ATXN1: variants seen among roughly 807,000 people sequenced by gnomAD.
ATXN1 encodes ataxin 1.
ATXN1 carries 8 observed loss-of-function variants against 56.4 expected under a neutral mutation model. The ratio of observed to expected loss-of-function variants is 0.14; its 90% CI spans 0.08 to 0.26. ATXN1 has a LOEUF of 0.26. Among genes scored for constraint, ATXN1 ranks in the 10% least tolerant of loss-of-function variants. The pLI is 1.00. For missense variants in ATXN1, 987 were observed against 1,106.5 expected (o/e 0.89, Z 1.53); for synonymous variants, 514 against 494.6 (o/e 1.04, Z -0.52).
chr6:16,667,637 A>AT (rs1758454348), intron 2 of ATXN1: 1 of 152,270 alleles, frequency 6.6e-6, no homozygotes, highest in South Asian at 2.1e-4. Flanking sequence ...CTGAAAGCAC[A>AT]TTTATGAAAC....
intron 2 of ATXN1, among the ~76,000 whole-genome samples, chr6:16,733,965 T>G (rs1412508049): frequency 6.6e-6 from 1 of 151,422 alleles, no homozygotes; most frequent in African/African-American, 2.4e-5. Flanking sequence ...CTGGCCAACA[T>G]GGTGAAACCC....
chr6:16,442,374 A>C (rs1269240876), intron 6 of ATXN1, among the ~76,000 whole-genome samples: 1 of 152,208 alleles, frequency 6.6e-6, no homozygotes, highest in Non-Finnish European at 1.5e-5. Context: ...AGCATTTAAC[A>C]CATAATCAGC....
chr6:16,745,450 C>A (rs979551631), intron 2 of ATXN1, among the ~76,000 whole-genome samples: 1 of 151,988 alleles, frequency 6.6e-6, no homozygotes, highest in African/African-American at 2.4e-5. Context: ...AATGTTTATG[C>A]TAAATGGGAA....
rs1363586518 is a variant in ATXN1 at position 16,308,241 on chromosome 6, G to A, written c.1918-1382C>T. On this transcript the variant is annotated intron_variant, in intron 7 of 7. Transcript: ENST00000436367. ...CTCAGGAGGCTGAGGCAAGAGAATC[G>A]CTTGAACCCGGGAGGCGGAGGCTGC... Among the ~76,000 whole-genome samples, 6 of 151,804 alleles carry A rather than the reference G, an allele frequency of 4.0e-5. No homozygotes were observed. In the South Asian group the frequency reaches 1.2e-3, roughly 32 times the overall value.
At chr6:16,348,466 G>A (rs980780342) in intron 6 of ATXN1, among the ~76,000 whole-genome samples, 4 of 151,936 alleles carry the variant, frequency 2.6e-5, no homozygotes, top group East Asian at 1.9e-4. Flanking sequence ...CAGAGGCCGA[G>A]GGGGGGCAGA....
At chr6:16,751,417 T>C (rs1760714595) in intron 2 of ATXN1, among the ~76,000 whole-genome samples, 1 of 152,056 alleles carries the variant, frequency 6.6e-6, no homozygotes, top group Admixed American at 6.5e-5. Flanking sequence ...TTTACAAGAG[T>C]ATCGTGTCTG....
chr6:16,457,028 C>A (rs1386033624), intron 6 of ATXN1, among the ~76,000 whole-genome samples: 5 of 152,142 alleles, frequency 3.3e-5, no homozygotes, highest in African/African-American at 1.2e-4. Flanking sequence ...CCTGGAGATC[C>A]CTTCCTTCCC....
At chr6:16,609,589 G>A (rs1328296575) in intron 3 of ATXN1, among the ~76,000 whole-genome samples, 1 of 152,176 alleles carries the variant, frequency 6.6e-6, no homozygotes, top group African/African-American at 2.4e-5. Flanking sequence ...TAAGAACAAA[G>A]CCTTCAGCTT....
intron 3 of ATXN1, among the ~76,000 whole-genome samples, chr6:16,620,926 A>G (rs1302350619): frequency 6.6e-6 from 1 of 151,850 alleles, no homozygotes; most frequent in African/African-American, 2.4e-5. Flanking sequence ...GGTCCTACTA[A>G]AAAGGGTGAC....
chr6:16,511,505 T>TGACA (rs1761081214), intron 5 of ATXN1, among the ~76,000 whole-genome samples: 1 of 152,234 alleles, frequency 6.6e-6, no homozygotes, highest in African/African-American at 2.4e-5. Flanking sequence ...GACATATGTT[T>TGACA]CCTTCAGGGT....
At chr6:16,551,785 G>T (rs1761924697) in intron 4 of ATXN1, among the ~76,000 whole-genome samples, 1 of 152,130 alleles carries the variant, frequency 6.6e-6, no homozygotes, top group Non-Finnish European at 1.5e-5. Flanking sequence ...GGCGCTTCCA[G>T]CTGGGCATGT....
intron 6 of ATXN1, among the ~76,000 whole-genome samples, chr6:16,392,833 T>C (rs1758382542): frequency 6.6e-6 from 1 of 152,192 alleles, no homozygotes; most frequent in Non-Finnish European, 1.5e-5. Context: ...AAGACAGTGG[T>C]TCTCAAAGTG....
intron 6 of ATXN1, among the ~76,000 whole-genome samples, chr6:16,387,140 G>A (rs1481750904): frequency 6.6e-6 from 1 of 152,204 alleles, no homozygotes; most frequent in Non-Finnish European, 1.5e-5. Context: ...GCAAATCTCT[G>A]AATGACAGAT....
chr6:16,638,392 G>C (rs890254244), intron 3 of ATXN1, among the ~76,000 whole-genome samples: 4 of 147,926 alleles, frequency 2.7e-5, no homozygotes, highest in Non-Finnish European at 5.9e-5. Flanking sequence ...GCTGCAGTGA[G>C]CCAAGATCAC....
intron 6 of ATXN1, among the ~76,000 whole-genome samples, chr6:16,398,769 G>C (rs560643364): frequency 6.6e-6 from 1 of 152,318 alleles, no homozygotes; most frequent in East Asian, 1.9e-4. Flanking sequence ...TGTGAAGAAT[G>C]CTTGGCTAGA....
In ATXN1 at chr6:16,504,961, C is replaced by G. The variant is rs575938092; in HGVS notation, c.-299+17666G>C. Among the ~76,000 whole-genome samples, 3 of 151,420 alleles carry G rather than the reference C, an allele frequency of 2.0e-5. No homozygotes were observed. The South Asian group carries it at 6.3e-4, about 32-fold the overall frequency. On this transcript the variant is annotated intron_variant, in intron 5 of 7. Transcript: ENST00000436367. ...TCTAGAAAATAGCAAGAGCCCACCT[C>G]CTCCTCCTCCTGCAATCAGCTCTCC...
At chr6:16,685,963 G>A (rs1758909152) in intron 2 of ATXN1, among the ~76,000 whole-genome samples, 1 of 152,022 alleles carries the variant, frequency 6.6e-6, no homozygotes, top group Non-Finnish European at 1.5e-5. Flanking sequence ...TGATTAATAT[G>A]GTTTCATATA....
intron 2 of ATXN1, among the ~76,000 whole-genome samples, chr6:16,746,891 T>C (rs1188968813): frequency 6.6e-6 from 1 of 152,140 alleles, no homozygotes; most frequent in Non-Finnish European, 1.5e-5. Flanking sequence ...ATGTCAGAGA[T>C]AGAAGAGTCC....
chr6:16,684,068 C>T (rs1277827698), intron 2 of ATXN1, among the ~76,000 whole-genome samples: 1 of 152,194 alleles, frequency 6.6e-6, no homozygotes, highest in Non-Finnish European at 1.5e-5. Flanking sequence ...CATGATCACG[C>T]TTGAAGGCAC....
Sources: gnomAD v4.1 joint callset for allele counts (sites outside exome capture counted in the v4.1 genomes callset) on GRCh38, gnomAD v4.1.1 for gene constraint, MANE v1.5 for transcripts, NCBI Gene and HGNC (gene_info 2026-07-23, HGNC 2026-07-21) for gene names.